Variants in LRRC69 observed in about 807,000 individuals in gnomAD.
The protein encoded by LRRC69 is leucine rich repeat containing 69, also known as leucine-rich repeat-containing protein 69.
LRRC69 carries 42 observed loss-of-function variants against 37.8 expected under a neutral mutation model. The ratio of observed to expected loss-of-function variants is 1.11; its 90% CI spans 0.87 to 1.44. The LOEUF (loss-of-function observed/expected upper bound fraction) is 1.44. Among genes scored for constraint, LRRC69 ranks in the 40% most tolerant of loss-of-function variants. LRRC69 has a pLI of 0.00. For synonymous variants in LRRC69, 141 were observed against 143.1 expected, an observed-to-expected ratio of 0.99 and a Z score of 0.11; for missense variants, 357 against 401.9, an observed-to-expected ratio of 0.89 and a Z score of 0.96.
chr8:91,204,340 G>A (rs550345644), intron 7 of LRRC69, among the ~76,000 whole-genome samples: 1 of 152,290 alleles, frequency 6.6e-6, no homozygotes, highest in East Asian at 1.9e-4. Context: ...ATGAATTAAT[G>A]AATTGTTAGT....
rs1433742228 is a variant in LRRC69, at chr8:91,157,354, G to A, written c.651+21615G>A. 6.2e-6 allele frequency: 10 copies of A among 1,608,484 alleles called. No homozygotes were observed. The Admixed American group carries it at 8.4e-5, about 14-fold the overall frequency. The stretch of plus-strand genomic sequence containing the variant: ...CTATGAATGGACTGTCCCCAAAGAA[G>A]TAGGACCCACTAATGCAGATCCTGT... On this transcript the variant is annotated intron_variant, in intron 5 of 7. Coordinates refer to ENST00000448384, the Ensembl canonical transcript of LRRC69.
At chr8:91,195,945 G>T (rs1302995050) in intron 6 of LRRC69, among the ~76,000 whole-genome samples, 2 of 152,154 alleles carry the variant, frequency 1.3e-5, no homozygotes, top group Non-Finnish European at 2.9e-5. Context: ...AGTCCTGATG[G>T]TCTTTACATT....
chr8:91,205,768 AT>A (rs1474411153), intron 7 of LRRC69, among the ~76,000 whole-genome samples: 2 of 152,174 alleles, frequency 1.3e-5, no homozygotes, highest in Non-Finnish European at 2.9e-5. Flanking sequence ...AGACAAAAAA[AT>A]AAAAGTGGAA....
intron 5 of LRRC69, among the ~76,000 whole-genome samples, chr8:91,140,066 C>G (rs865816332): frequency 6.0e-5 from 8 of 132,528 alleles, no homozygotes; most frequent in African/African-American, 2.3e-4. Context: ...ACTCCAGCTT[C>G]GGCAGCAAAA....
intron 5 of LRRC69, among the ~76,000 whole-genome samples, chr8:91,161,347 G>C (rs1586256790): frequency 6.6e-6 from 1 of 151,232 alleles, no homozygotes; most frequent in African/African-American, 2.4e-5. Context: ...TTTCTTTTCG[G>C]AATGGTTTGA....
chr8:91,211,759 A>T (rs1260984514), intron 7 of LRRC69, among the ~76,000 whole-genome samples: 1 of 151,866 alleles, frequency 6.6e-6, no homozygotes, highest in Admixed American at 6.6e-5. Context: ...CATATTTGAT[A>T]ATGCCAAAGT....
At chr8:91,192,290 G>C (rs898462310) in intron 6 of LRRC69, among the ~76,000 whole-genome samples, 4 of 151,994 alleles carry the variant, frequency 2.6e-5, no homozygotes, top group Admixed American at 1.3e-4. Context: ...ATTGTGAATA[G>C]TGCTGCAATA....
chr8:91,133,243 A>C, exon 4 of LRRC69: 1 of 1,524,914 alleles, frequency 6.6e-7, no homozygotes, highest in Non-Finnish European at 8.8e-7. Context: ...TGAAGAGATT[A>C]AATTCTTGAA....
At chr8:91,141,543 A>G (rs1211542774) in intron 5 of LRRC69, among the ~76,000 whole-genome samples, 1 of 152,084 alleles carries the variant, frequency 6.6e-6, no homozygotes, top group Admixed American at 6.6e-5. Flanking sequence ...TGACTTTCCA[A>G]TTCCATAAAC....
At chr8:91,163,644 C>T (rs1808983324) in intron 5 of LRRC69, among the ~76,000 whole-genome samples, 1 of 151,354 alleles carries the variant, frequency 6.6e-6, no homozygotes, top group African/African-American at 2.4e-5. Flanking sequence ...TGTGTTCTTT[C>T]TTCTAAGACC....
chr8:91,127,296 G>A lies in LRRC69; in HGVS notation c.383+136G>A, dbSNP rs561055057. 1.1e-3 allele frequency: 626 copies of A among 587,074 alleles called. 9 individuals carry two copies. The South Asian group carries it at 0.016, about 15-fold the overall frequency. The allele number at this position is 587,074 out of a possible 1,614,324, so 36.4% of individuals were successfully genotyped here. A position where few individuals can be genotyped will look rare whatever the true frequency, so the allele number is the denominator to read the frequency against. On this transcript the variant is annotated intron_variant, in intron 3 of 7. Transcript: ENST00000448384. ...AGCAAAGAGGGATCTGAAGGACTGA[G>A]GCAAGCCACTAATTTTAAGCAGATG...
intron 5 of LRRC69, among the ~76,000 whole-genome samples, chr8:91,146,562 C>G (rs990825313): frequency 4.0e-5 from 6 of 151,560 alleles, no homozygotes; most frequent in African/African-American, 1.5e-4. Context: ...TCCAAGTAAT[C>G]TCTATGGAGT....
chr8:91,143,097 G>A (rs773970035), intron 5 of LRRC69, among the ~76,000 whole-genome samples: 4 of 151,902 alleles, frequency 2.6e-5, no homozygotes, highest in Non-Finnish European at 5.9e-5. Context: ...GGATGTACTC[G>A]GTGCATATAT....
At chr8:91,211,616 A>ATTTT (rs34106795) in intron 7 of LRRC69, among the ~76,000 whole-genome samples, 2 of 137,530 alleles carry the variant, frequency 1.5e-5, no homozygotes, top group East Asian at 4.1e-4. Context: ...ATATATATAT[A>ATTTT]TTTTTTTTTT....
chr8:91,135,331 T>C (rs1813890152), intron 4 of LRRC69, among the ~76,000 whole-genome samples: 1 of 152,084 alleles, frequency 6.6e-6, no homozygotes, highest in Admixed American at 6.6e-5. Context: ...ATTAGCATTT[T>C]CATTTTACAA....
chr8:91,210,558 C>CAG (rs1809892220), intron 7 of LRRC69, among the ~76,000 whole-genome samples: 1 of 100,854 alleles, frequency 9.9e-6, no homozygotes, highest in African/African-American at 3.9e-5. Context: ...CACACACACA[C>CAG]ACAGACACAC....
At chr8:91,150,130 G>A (rs1308815267) in intron 5 of LRRC69, among the ~76,000 whole-genome samples, 1 of 152,106 alleles carries the variant, frequency 6.6e-6, no homozygotes, top group African/African-American at 2.4e-5. Flanking sequence ...TGTTGAATAG[G>A]AGTGGTGAGA....
intron 5 of LRRC69, among the ~76,000 whole-genome samples, chr8:91,170,375 C>T (rs1333111564): frequency 1.3e-5 from 2 of 150,528 alleles, no homozygotes; most frequent in Non-Finnish European, 2.9e-5. Context: ...CTACCAATGC[C>T]TTTCTTCACA....
At chr8:91,187,273 A>G (rs1325946109) in intron 5 of LRRC69, among the ~76,000 whole-genome samples, 2 of 152,212 alleles carry the variant, frequency 1.3e-5, no homozygotes, top group South Asian at 2.1e-4. Context: ...TAATGACTCA[A>G]TGACATGAAG....
Sources: gnomAD v4.1 joint callset for allele counts (sites outside exome capture counted in the v4.1 genomes callset) on GRCh38, gnomAD v4.1.1 for gene constraint, MANE v1.5 for transcripts, NCBI Gene and HGNC (gene_info 2026-07-23, HGNC 2026-07-21) for gene names.